MYO1E: variants seen among roughly 807,000 people sequenced by gnomAD.
MYO1E encodes unconventional myosin-Ie.
In MYO1E, 68 loss-of-function variants were observed where a neutral mutation model predicts 151.1. The observed-to-expected ratio is 0.45, with a 90% CI of 0.37 to 0.55. The LOEUF (loss-of-function observed/expected upper bound fraction) is 0.55, where lower values mean the gene tolerates loss of function less well. Ranked by LOEUF, MYO1E falls within the 20% of genes least tolerant of loss-of-function variation. The pLI is 0.00. For synonymous variants in MYO1E, 601 were observed against 501.7 expected, an observed-to-expected ratio of 1.20 and a Z score of -2.64; for missense variants, 1,363 against 1,389.3, an observed-to-expected ratio of 0.98 and a Z score of 0.30.
rs1555412948 is a variant in MYO1E, at chr15:59,230,224, T to TGTGTGTGTG, written c.510+1477_510+1478insCACACACAC. The stretch of plus-strand genomic sequence containing the variant: ...TGAGAGAGAGAGAGACAGTGTGTGT[T>TGTGTGTGTG]TGTGTGTGTGTGTGTGTGTGTGTGT... On this transcript the variant is annotated intron_variant, in intron 6 of 27. Coordinates refer to ENST00000288235, the MANE Select transcript of MYO1E (RefSeq NM_004998.4). Among the ~76,000 whole-genome samples, 523 of 127,008 alleles carry TGTGTGTGTG rather than the reference T, an allele frequency of 4.1e-3. 8 individuals are homozygous for TGTGTGTGTG. The highest frequency in any genetic ancestry group is 6.1e-3 in the Non-Finnish European group (363 of 59,884). The allele number at this position is 127,008 out of a possible 152,430, so 83.3% of individuals were successfully genotyped here.
intron 1 of MYO1E, among the ~76,000 whole-genome samples, chr15:59,273,880 G>A (rs756110109): frequency 3.8e-4 from 58 of 152,136 alleles, no homozygotes; most frequent in Non-Finnish European, 6.2e-4. Context: ...CTCACTGCTC[G>A]GGGGACTTCG....
At chr15:59,164,733 A>G (rs11630106) in intron 22 of MYO1E, among the ~76,000 whole-genome samples, 67,179 of 152,070 alleles carry the variant, frequency 0.44, 17,880 homozygotes, top group Non-Finnish European at 0.62. Flanking sequence ...TTGGGCAGAG[A>G]ATCTTGGGGG....
chr15:59,235,398 C>G (rs1420081045), intron 5 of MYO1E, among the ~76,000 whole-genome samples: 2 of 152,070 alleles, frequency 1.3e-5, no homozygotes, highest in African/African-American at 4.8e-5. Flanking sequence ...TGTGCACTCT[C>G]TTTTGATCCC....
chr15:59,257,008 C>T (rs2080197702), intron 3 of MYO1E, among the ~76,000 whole-genome samples: 1 of 152,158 alleles, frequency 6.6e-6, no homozygotes, highest in Non-Finnish European at 1.5e-5. Flanking sequence ...TCCTACCACG[C>T]TAAGATATTC....
intron 1 of MYO1E, among the ~76,000 whole-genome samples, chr15:59,319,900 C>A (rs1243434259): frequency 6.6e-6 from 1 of 152,056 alleles, no homozygotes; most frequent in Non-Finnish European, 1.5e-5. Context: ...AAAACTCCGT[C>A]TCAAAGCAAA....
chr15:59,211,498 G>C (rs1452548596), intron 12 of MYO1E, among the ~76,000 whole-genome samples: 1 of 152,116 alleles, frequency 6.6e-6, no homozygotes, highest in Non-Finnish European at 1.5e-5. Flanking sequence ...ACCACCTACA[G>C]GCTAATGACC....
chr15:59,335,980 TGCAG>T (rs2080725991), intron 1 of MYO1E, among the ~76,000 whole-genome samples: 1 of 150,682 alleles, frequency 6.6e-6, no homozygotes, highest in African/African-American at 2.4e-5. Flanking sequence ...AAACAAGTCC[TGCAG>T]CAACTCAAGT....
chr15:59,284,971 C>T (rs973298589), intron 1 of MYO1E, among the ~76,000 whole-genome samples: 1 of 152,104 alleles, frequency 6.6e-6, no homozygotes, highest in Non-Finnish European at 1.5e-5. Context: ...GATGTTAGTC[C>T]CTGTCTTTTC....
chr15:59,194,651 G>C (rs1354130910), intron 17 of MYO1E, among the ~76,000 whole-genome samples: 1 of 152,198 alleles, frequency 6.6e-6, no homozygotes, highest in African/African-American at 2.4e-5. Context: ...ACGATGGCTA[G>C]GGTCCTCTCT....
chr15:59,278,966 G>C (rs555000311), intron 1 of MYO1E, among the ~76,000 whole-genome samples: 4 of 152,064 alleles, frequency 2.6e-5, no homozygotes, highest in Non-Finnish European at 5.9e-5. Flanking sequence ...GGGTGGAAAA[G>C]TGCACTGAGG....
chr15:59,279,756 G>A (rs1270426498), intron 1 of MYO1E, among the ~76,000 whole-genome samples: 1 of 152,180 alleles, frequency 6.6e-6, no homozygotes, highest in East Asian at 1.9e-4. Flanking sequence ...TGGGTTAGAA[G>A]GGGGAGGGAA....
rs2079943785 is a variant in MYO1E at position 59,219,945 on chromosome 15, T to TCACAGAGTTGCACTCCTGTG, written c.911-1878_911-1859dup. Among the ~76,000 whole-genome samples the TCACAGAGTTGCACTCCTGTG allele has an allele frequency of 2.1e-4, 32 of 152,340 alleles. No homozygotes were observed. The South Asian group carries it at 6.4e-3, about 31-fold the overall frequency. ...CTTCTTTGCGATGTGTGCATTCATC[T>TCACAGAGTTGCACTCCTGTG]CACAGAGTTGCACTCCTGTGCACAG... On this transcript the variant is annotated intron_variant, in intron 9 of 27. Transcript: ENST00000288235.
chr15:59,206,594 A>G (rs1323062289), intron 14 of MYO1E: 1 of 259,928 alleles, frequency 3.8e-6, no homozygotes, highest in African/African-American at 2.2e-5. Context: ...TGTAGTTAAC[A>G]GAAGCATGTT....
intron 1 of MYO1E, among the ~76,000 whole-genome samples, chr15:59,279,970 A>C (rs2140388280): frequency 6.6e-6 from 1 of 152,318 alleles, no homozygotes; most frequent in South Asian, 2.1e-4. Flanking sequence ...AGCTGTTTTC[A>C]TTGTGAAAAA....
chr15:59,208,614 A>C, intron 14 of MYO1E, 67 bp downstream of exon 14: 1 of 1,574,204 alleles, frequency 6.4e-7, no homozygotes, highest in East Asian at 2.2e-5. Flanking sequence ...GATTTGCTTC[A>C]TGAGAAACCA....
intron 2 of MYO1E, among the ~76,000 whole-genome samples, chr15:59,263,935 G>T (rs561958021): frequency 6.6e-6 from 1 of 152,244 alleles, no homozygotes; most frequent in East Asian, 1.9e-4. Context: ...AAGCAGGTAA[G>T]ACGTCCATGA....
rs1423210186 is a variant in MYO1E at position 59,134,487 on chromosome 15, T to G, written c.*2893A>C. The G allele has an allele frequency of 1.3e-5, 2 of 152,216 alleles. No individual in the cohort carries two copies. The highest frequency in any genetic ancestry group is 1.5e-5 in the Non-Finnish European group (1 of 68,088). The allele number at this position is 152,216 out of a possible 1,614,324, so 9.4% of individuals were successfully genotyped here. Reference sequence around the variant, plus strand: ...GGAGGATCGTTTGATCCCAGGAGTTTCAGATCAGCCTCTCTCTGTCTCACA... The same window carrying G: ...GGAGGATCGTTTGATCCCAGGAGTTGCAGATCAGCCTCTCTCTGTCTCACA... On this transcript the variant is annotated 3_prime_UTR_variant, in exon 28 of 28. Coordinates refer to ENST00000288235, the MANE Select transcript of MYO1E (RefSeq NM_004998.4).
intron 18 of MYO1E, among the ~76,000 whole-genome samples, chr15:59,182,876 A>G (rs2079672242): frequency 6.6e-6 from 1 of 152,176 alleles, no homozygotes; most frequent in African/African-American, 2.4e-5. Flanking sequence ...TAATTTTTCT[A>G]TGGACGGGGT....
At chr15:59,149,061 T>TTTTG (rs1555406901) in intron 26 of MYO1E, among the ~76,000 whole-genome samples, 137 of 140,052 alleles carry the variant, frequency 9.8e-4, no homozygotes, top group African/African-American at 3.4e-3. Context: ...TGTTTTTTTT[T>TTTTG]TTTTTTTTTT....
Sources: gnomAD v4.1 joint callset for allele counts (sites outside exome capture counted in the v4.1 genomes callset) on GRCh38, gnomAD v4.1.1 for gene constraint, MANE v1.5 for transcripts, NCBI Gene and HGNC (gene_info 2026-07-23, HGNC 2026-07-21) for gene names.